The following NXPE1 variants were observed in gnomAD, a reference collection of about 807,000 sequenced individuals.
NXPE1 encodes neurexophilin and PC-esterase domain family member 1.
A neutral mutation model predicts 33.3 loss-of-function variants in NXPE1; 31 were observed. That is an observed-to-expected ratio of 0.93 (90% CI 0.70 to 1.26). The LOEUF (loss-of-function observed/expected upper bound fraction) is 1.26. Ranked by LOEUF, NXPE1 falls within the 50% of genes most tolerant of loss-of-function variation. The pLI is 0.00. For synonymous variants in NXPE1, 229 were observed against 231.4 expected (o/e 0.99, Z 0.09); for missense variants, 661 against 655.6 (o/e 1.01, Z -0.09).
At chr11:114,522,208 G>A in exon 9 of NXPE1, 1 of 1,614,044 alleles carries the variant, frequency 6.2e-7, no homozygotes, top group Non-Finnish European at 8.5e-7. Flanking sequence ...TAGTGGCTGG[G>A]CTTCTTAGGA....
At chr11:114,523,173 C>G (rs2134899886) in intron 7 of NXPE1, 82 bp from the exon 8 acceptor site, 1 of 977,342 alleles carries the variant, frequency 1.0e-6, no homozygotes. Flanking sequence ...CATTTTCTTG[C>G]TCTCTTTCCC....
At chr11:114,530,111 A>G (rs1006188970) in intron 6 of NXPE1, 64 bp downstream of exon 6, 13 of 1,482,568 alleles carry the variant, frequency 8.8e-6, no homozygotes, top group African/African-American at 4.2e-5. Flanking sequence ...GCAATGGGCA[A>G]TGTAGCTCTG....
intron 7 of NXPE1, among the ~76,000 whole-genome samples, chr11:114,523,376 C>CT (rs1421073890): frequency 7.9e-5 from 12 of 152,128 alleles, no homozygotes; most frequent in African/African-American, 2.4e-4. Context: ...ACGTTCTATC[C>CT]TTTTTTCCTG....
At chr11:114,522,374 A>G in exon 9 of NXPE1, 1 of 1,614,174 alleles carries the variant, frequency 6.2e-7, no homozygotes, top group Non-Finnish European at 8.5e-7. Flanking sequence ...ATGATCTATC[A>G]GAGAGTAGAG....
At chr11:114,544,113 G>T (rs1049957977) in intron 5 of NXPE1, among the ~76,000 whole-genome samples, 2 of 152,170 alleles carry the variant, frequency 1.3e-5, no homozygotes, top group Non-Finnish European at 2.9e-5. Context: ...GAGATTCCAT[G>T]TTCATGGATT....
intron 5 of NXPE1, among the ~76,000 whole-genome samples, chr11:114,538,229 T>A (rs902697961): frequency 1.3e-5 from 2 of 152,216 alleles, no homozygotes; most frequent in African/African-American, 4.8e-5. Context: ...TAGCCATATG[T>A]AGAAAGCTGA....
chr11:114,553,011 C>A (rs1321914203), intron 1 of NXPE1, 131 bp from the exon 2 acceptor site: 1 of 222,026 alleles, frequency 4.5e-6, no homozygotes, highest in Non-Finnish European at 7.6e-6. Context: ...GAGTCTTTGC[C>A]CAAGCTGTGC....
At chr11:114,540,463 A>G (rs1276673240) in intron 5 of NXPE1, among the ~76,000 whole-genome samples, 1 of 152,234 alleles carries the variant, frequency 6.6e-6, no homozygotes, top group Non-Finnish European at 1.5e-5. Flanking sequence ...CCTAGTCCAC[A>G]TATATACATA....
intron 5 of NXPE1, among the ~76,000 whole-genome samples, chr11:114,542,517 G>T (rs552011252): frequency 1.3e-5 from 2 of 152,116 alleles, no homozygotes; most frequent in Non-Finnish European, 2.9e-5. Context: ...GTATGCAATG[G>T]TTGTGTGCTC....
chr11:114,530,557 C>G (rs1394059380), exon 6 of NXPE1: 1 of 1,613,870 alleles, frequency 6.2e-7, no homozygotes, highest in Non-Finnish European at 8.5e-7. Flanking sequence ...CCTGAAGCAC[C>G]TGCCGTCAGT....
chr11:114,551,111 A>C, exon 5 of NXPE1: 1 of 1,510,092 alleles, frequency 6.6e-7, no homozygotes, highest in Non-Finnish European at 8.9e-7. Flanking sequence ...ACCTTTGTGA[A>C]GTTCTGAGAA....
chr11:114,530,772 T>C, exon 6 of NXPE1: 1 of 1,614,234 alleles, frequency 6.2e-7, no homozygotes, highest in Non-Finnish European at 8.5e-7. Context: ...CTGATCTAGT[T>C]TCTCTATGAT....
chr11:114,546,426 A>T (rs1026615152), intron 5 of NXPE1, among the ~76,000 whole-genome samples: 2 of 151,848 alleles, frequency 1.3e-5, no homozygotes, highest in African/African-American at 4.8e-5. Flanking sequence ...ATAGATATGC[A>T]TGTATTACTG....
intron 7 of NXPE1, among the ~76,000 whole-genome samples, chr11:114,524,895 C>T (rs1415920129): frequency 6.6e-6 from 1 of 152,116 alleles, no homozygotes; most frequent in African/African-American, 2.4e-5. Context: ...TTCTGTATAT[C>T]AGGCAAAAGC....
At chr11:114,527,923 AT>A in intron 6 of NXPE1, 22 bp from the exon 7 acceptor site, 1 of 1,577,810 alleles carries the variant, frequency 6.3e-7, no homozygotes, top group African/African-American at 1.4e-5. Flanking sequence ...AAATAGAACA[AT>A]AAATTAGCCT....
At chr11:114,520,523 C>T (rs1947188984), downstream of NXPE1, among the ~76,000 whole-genome samples, 1 of 152,130 alleles carries the variant, frequency 6.6e-6, no homozygotes, top group African/African-American at 2.4e-5. Flanking sequence ...TATTGATGGG[C>T]ACTTATGTTG....
chr11:114,555,440 T>C (rs113313084), intron 1 of NXPE1, among the ~76,000 whole-genome samples: 199 of 152,334 alleles, frequency 1.3e-3, no homozygotes, highest in African/African-American at 4.6e-3. Flanking sequence ...TTGGCCAGGA[T>C]GGTCTCGATT....
At chr11:114,538,587 A>G (rs1947942027) in intron 5 of NXPE1, among the ~76,000 whole-genome samples, 1 of 152,238 alleles carries the variant, frequency 6.6e-6, no homozygotes. Flanking sequence ...TTATAAGAAA[A>G]AAACAAACAA....
chr11:114,531,948 A>G (rs1947601689), intron 5 of NXPE1, among the ~76,000 whole-genome samples: 1 of 152,226 alleles, frequency 6.6e-6, no homozygotes, highest in Non-Finnish European at 1.5e-5. Flanking sequence ...CTTAGGCTTC[A>G]GTCTAGATCA....
Sources: allele counts gnomAD v4.1 joint callset (sites outside exome capture counted in the v4.1 genomes callset), GRCh38; gene constraint gnomAD v4.1.1; transcripts MANE v1.5; gene names NCBI Gene and HGNC (gene_info 2026-07-23, HGNC 2026-07-21).